The following ZC3H14 variants were observed in gnomAD, a reference collection of about 807,000 sequenced individuals.
The protein encoded by ZC3H14 is zinc finger CCCH-type containing 14, also known as zinc finger CCCH domain-containing protein 14.
A neutral mutation model predicts 92.4 loss-of-function variants in ZC3H14; 31 were observed. The observed-to-expected ratio is 0.34, with a 90% confidence interval of 0.25 to 0.45. ZC3H14 has a LOEUF of 0.45. Ranked by LOEUF, ZC3H14 falls within the 20% of genes least tolerant of loss-of-function variation. The pLI is 1.00. For synonymous variants in ZC3H14, 321 were observed against 300.9 expected (o/e 1.07, Z -0.69); for missense variants, 781 against 897.3 (o/e 0.87, Z 1.66).
Position 88,611,843 on chromosome 14 carries a change from C to T in ZC3H14, c.*92C>T. ...TACAGAACTTGTCAAATCTTTGAAA[C>T]TTGGAATATATTGCTTTCATAATAT... On this transcript the variant is annotated 3_prime_UTR_variant, in exon 17 of 17. Coordinates refer to ENST00000251038, the MANE Select transcript of ZC3H14 (RefSeq NM_024824.5). The T allele has an allele frequency of 1.3e-6, 2 of 1,542,632 alleles. No homozygotes were observed. Among genetic ancestry groups the T allele is most frequent in the East Asian group, 4.5e-5 (2 of 44,372 alleles).
chr14:88,572,445 C>A (rs1332103146), intron 5 of ZC3H14, 133 bp from the exon 6 acceptor site: 14 of 1,213,828 alleles, frequency 1.2e-5, no homozygotes, highest in Non-Finnish European at 1.5e-5. Flanking sequence ...AATTTCAAAG[C>A]AGTTTTGAAT....
chr14:88,563,785 C>T, intron 2 of ZC3H14, 92 bp downstream of exon 2: 2 of 1,252,242 alleles, frequency 1.6e-6, no homozygotes, highest in Non-Finnish European at 1.2e-6. Context: ...GTACTTTGGA[C>T]ATTGGGAGAG....
chr14:88,580,628 A>G (rs1276159149), intron 9 of ZC3H14, among the ~76,000 whole-genome samples: 2 of 152,226 alleles, frequency 1.3e-5, no homozygotes, highest in African/African-American at 4.8e-5. Flanking sequence ...AGGAATCTCC[A>G]AAGAAACAAT....
At chr14:88,571,584 G>T (rs577395907) in intron 4 of ZC3H14, among the ~76,000 whole-genome samples, 1 of 152,228 alleles carries the variant, frequency 6.6e-6, no homozygotes, top group African/African-American at 2.4e-5. Flanking sequence ...GAGATAATTG[G>T]TGATTTTTAT....
chr14:88,609,121 C>G (rs2086108856), intron 13 of ZC3H14, 146 bp from the exon 14 acceptor site: 2 of 964,924 alleles, frequency 2.1e-6, no homozygotes, highest in African/African-American at 3.3e-5. Context: ...GATATATGGT[C>G]TTATTTTAAA....
rs551694738 is a variant in ZC3H14 at position 88,568,510 on chromosome 14, C to G, written c.194+357C>G. Among the ~76,000 whole-genome samples the G allele has an allele frequency of 1.4e-4, 22 of 152,318 alleles. No individual in the cohort carries two copies. The East Asian group carries it at 3.9e-3, about 27-fold the overall frequency. On this transcript the variant is annotated intron_variant, in intron 3 of 16. Coordinates refer to ENST00000251038, the MANE Select transcript of ZC3H14 (RefSeq NM_024824.5). ...CAGATCTTGTGAGAACTCACTGTCT[C>G]TTGAGAACTCGGGAACTCACTGTCT...
chr14:88,572,488 C>T, intron 5 of ZC3H14, 90 bp from the exon 6 acceptor site: 1 of 1,515,940 alleles, frequency 6.6e-7, no homozygotes, highest in Non-Finnish European at 9.1e-7. Context: ...TCAGTTTTTT[C>T]ATTGAAATTT....
rs116508824 is a variant in ZC3H14, at chr14:88,613,524, T to G, written c.*1773T>G. The G allele has an allele frequency of 2.9e-3, 449 of 152,266 alleles. 1 individual carries two copies. Among genetic ancestry groups the G allele is most frequent in the African/African-American group, 0.01 (433 of 41,546 alleles). 9.4% of individuals were successfully genotyped at this position (152,266 alleles called of 1,614,324 possible). A position where few individuals can be genotyped will look rare whatever the true frequency, so the allele number is the denominator to read the frequency against. Reference sequence around the variant, plus strand: ...CTAAAATCTGATTGTTTTTTGCTATTTAATAGCCACTGCCCAGACACATAT... The same window carrying G: ...CTAAAATCTGATTGTTTTTTGCTATGTAATAGCCACTGCCCAGACACATAT... On this transcript the variant is annotated 3_prime_UTR_variant, in exon 17 of 17. Transcript: ENST00000251038.
chr14:88,579,847 A>G (rs182730064), intron 9 of ZC3H14, among the ~76,000 whole-genome samples: 2 of 152,260 alleles, frequency 1.3e-5, no homozygotes, highest in Non-Finnish European at 2.9e-5. Context: ...CCAAAAAGAA[A>G]TACAATTTCA....
At chr14:88,563,774 C>A in intron 2 of ZC3H14, 81 bp downstream of exon 2, 1 of 1,356,968 alleles carries the variant, frequency 7.4e-7, no homozygotes, top group Non-Finnish European at 1.1e-6. Flanking sequence ...TATTTCTCAC[C>A]GTACTTTGGA....
chr14:88,595,891 C>T (rs183054624), intron 9 of ZC3H14, among the ~76,000 whole-genome samples: 78 of 152,242 alleles, frequency 5.1e-4, no homozygotes, highest in Non-Finnish European at 7.4e-5. Flanking sequence ...TCCCTTTGTA[C>T]ACTGTAGTGC....
At position 88,622,013 on chromosome 14, in the gene ZC3H14, G is replaced by A. The variant is rs56144430; in HGVS notation, c.*10262G>A. The A allele has an allele frequency of 0.24, 82,505 of 348,958 alleles. 10,297 individuals are homozygous for A. Among genetic ancestry groups the A allele is most frequent in the East Asian group, 0.37 (4,792 of 13,054 alleles). The allele number at this position is 348,958 out of a possible 1,614,324, so 21.6% of individuals were successfully genotyped here. A position where few individuals can be genotyped will look rare whatever the true frequency, so the allele number is the denominator to read the frequency against. On this transcript the variant is annotated 3_prime_UTR_variant, in exon 17 of 17. Transcript: ENST00000251038. ...TGTGTAAACTTGTATCCTTTAACCA[G>A]TCCTTCCCTATCCCCCTCCCCCTCC...
At chr14:88,575,784 C>A in intron 7 of ZC3H14, 56 bp from the exon 8 acceptor site, 3 of 1,425,000 alleles carry the variant, frequency 2.1e-6, no homozygotes, top group Non-Finnish European at 3.0e-6. Context: ...AGATGGCTGG[C>A]CTGTGAGGAA....
chr14:88,609,215 A>C, intron 13 of ZC3H14, 52 bp from the exon 14 acceptor site: 3 of 1,611,404 alleles, frequency 1.9e-6, no homozygotes, highest in Non-Finnish European at 1.7e-6. Flanking sequence ...CACAGAACTA[A>C]TAATGCATTG....
chr14:88,584,752 C>T (rs1363916807), intron 9 of ZC3H14, among the ~76,000 whole-genome samples: 9 of 152,096 alleles, frequency 5.9e-5, no homozygotes, highest in South Asian at 4.1e-4. Context: ...ATGTTTAGTG[C>T]AATACTGTAA....
rs190813468 is a variant in ZC3H14, at chr14:88,571,053, G to T, written c.195-31G>T. ...GAAATGAAATCTTTCTTAACAGAAG[G>T]TTTATTTTTGTTTTTTGTTTTTTTC... On this transcript the variant is annotated intron_variant, in intron 3 of 16. Coordinates refer to ENST00000251038, the MANE Select transcript of ZC3H14 (RefSeq NM_024824.5). The T allele has an allele frequency of 7.7e-5, 117 of 1,515,930 alleles. No homozygotes were observed. In the African/African-American group the frequency reaches 1.4e-3, roughly 19 times the overall value. The allele number at this position is 1,515,930 out of a possible 1,614,324, so 93.9% of individuals were successfully genotyped here.
chr14:88,610,767 A>C, intron 15 of ZC3H14, 67 bp from the exon 16 acceptor site: 1 of 1,498,532 alleles, frequency 6.7e-7, no homozygotes, highest in Non-Finnish European at 9.3e-7. Flanking sequence ...TGTCTCAAAT[A>C]ATAAAATAAT....
intron 6 of ZC3H14, chr14:88,574,167 GATAAA>G (rs1269709694): frequency 3.2e-5 from 5 of 154,116 alleles, no homozygotes; most frequent in East Asian, 3.8e-4. Flanking sequence ...TGCAGCTGTT[GATAAA>G]ATAAATGTAA....
At chr14:88,577,200 T>G (rs2081283281) in intron 8 of ZC3H14, among the ~76,000 whole-genome samples, 1 of 152,212 alleles carries the variant, frequency 6.6e-6, no homozygotes, top group Admixed American at 6.5e-5. Flanking sequence ...GAATAAAGAT[T>G]ATCAGGCAAA....
Sources: gnomAD v4.1 joint callset for allele counts (sites outside exome capture counted in the v4.1 genomes callset) on GRCh38, gnomAD v4.1.1 for gene constraint, MANE v1.5 for transcripts, NCBI Gene and HGNC (gene_info 2026-07-23, HGNC 2026-07-21) for gene names.